Variants in GABRA3 observed in about 807,000 individuals in gnomAD.
GABRA3 encodes the protein gamma-aminobutyric acid receptor subunit alpha-3.
GABRA3 carries 10 observed loss-of-function variants against 30.1 expected under a neutral mutation model. The observed-to-expected ratio is 0.33, with a 90% CI of 0.20 to 0.56. The LOEUF (loss-of-function observed/expected upper bound fraction) is 0.56. Ranked by LOEUF, GABRA3 falls within the 20% of genes least tolerant of loss-of-function variation. The pLI is 0.89. For synonymous variants in GABRA3, 151 were observed against 146.8 expected, an observed-to-expected ratio of 1.03 and a Z score of -0.21; for missense variants, 233 against 392.0, an observed-to-expected ratio of 0.59 and a Z score of 3.42.
chrX:152,336,321 C>A (rs1287606324), intron 3 of GABRA3, among the ~76,000 whole-genome samples: 2 of 111,676 alleles, frequency 1.8e-5, no homozygotes, highest in Non-Finnish European at 3.8e-5. Flanking sequence ...CTCACAATGG[C>A]TCCACTTCTC....
At chrX:152,221,192 A>G (rs1401036476) in intron 6 of GABRA3, among the ~76,000 whole-genome samples, 1 of 111,058 alleles carries the variant, frequency 9.0e-6, no homozygotes, top group African/African-American at 3.3e-5. Flanking sequence ...GATCATGGAG[A>G]TACTCTCTTA....
At chrX:152,176,116 A>T (rs1438482052) in intron 9 of GABRA3, among the ~76,000 whole-genome samples, 1 of 109,578 alleles carries the variant, frequency 9.1e-6, no homozygotes, top group East Asian at 2.8e-4. Flanking sequence ...AAATAGAATC[A>T]TCAAGGAGGC....
At chrX:152,183,361 ATC>A (rs1162170535) in intron 9 of GABRA3, among the ~76,000 whole-genome samples, 3 of 109,636 alleles carry the variant, frequency 2.7e-5, no homozygotes, top group Non-Finnish European at 5.7e-5. Context: ...GTTTATAGTA[ATC>A]TGTTATGATT....
At chrX:152,333,726 T>A (rs991510611) in intron 3 of GABRA3, among the ~76,000 whole-genome samples, 1 of 111,413 alleles carries the variant, frequency 9.0e-6, no homozygotes, top group Non-Finnish European at 1.9e-5. Context: ...ACCTCGAAAG[T>A]GAAAAGGCCA....
intron 7 of GABRA3, among the ~76,000 whole-genome samples, chrX:152,205,547 T>C (rs900314603): frequency 1.8e-5 from 2 of 112,005 alleles, no homozygotes; most frequent in Non-Finnish European, 3.8e-5. Flanking sequence ...AGTTTCACAA[T>C]GAAATGCTAC....
chrX:152,347,345 G>A (rs1050131998), intron 2 of GABRA3, among the ~76,000 whole-genome samples: 7 of 111,658 alleles, frequency 6.3e-5, no homozygotes, highest in Non-Finnish European at 1.1e-4. Context: ...AGGTTGGGAA[G>A]GATAGTGGAG....
At chrX:152,233,306 A>C (rs1327976833) in intron 5 of GABRA3, among the ~76,000 whole-genome samples, 2 of 110,945 alleles carry the variant, frequency 1.8e-5, no homozygotes, top group Admixed American at 1.9e-4. Context: ...GAAGCTCTTT[A>C]GTTTAATTAG....
At chrX:152,377,386 C>T (rs1372587575) in intron 1 of GABRA3, among the ~76,000 whole-genome samples, 1 of 111,156 alleles carries the variant, frequency 9.0e-6, no homozygotes, top group Non-Finnish European at 1.9e-5. Context: ...TAACACAGCA[C>T]TCAGTTTGCA....
chrX:152,382,616 C>A (rs918404979), intron 1 of GABRA3, among the ~76,000 whole-genome samples: 3 of 111,703 alleles, frequency 2.7e-5, no homozygotes, highest in African/African-American at 9.8e-5. Context: ...AGCTTTTTCT[C>A]ATCTCATGTT....
chrX:152,409,117 C>A (rs536388879), intron 1 of GABRA3, among the ~76,000 whole-genome samples: 1 of 111,587 alleles, frequency 9.0e-6, no homozygotes, highest in South Asian at 3.8e-4. Context: ...CTTTGGGAAG[C>A]TGAGGCAGGA....
At chrX:152,417,817 T>C (rs1383151716) in intron 1 of GABRA3, among the ~76,000 whole-genome samples, 2 of 93,262 alleles carry the variant, frequency 2.1e-5, no homozygotes, top group Admixed American at 2.5e-4. Context: ...TAGGTGGGAA[T>C]TGAACAATGA....
At chrX:152,275,256 A>G (rs868364647) in intron 4 of GABRA3, among the ~76,000 whole-genome samples, 2 of 48,136 alleles carry the variant, frequency 4.2e-5, no homozygotes, top group Non-Finnish European at 6.3e-5. Flanking sequence ...TATATAATAA[A>G]ATATATATAA....
chrX:152,283,209 C>T (rs1380069755), intron 4 of GABRA3, among the ~76,000 whole-genome samples: 1 of 111,460 alleles, frequency 9.0e-6, no homozygotes, highest in Non-Finnish European at 1.9e-5. Flanking sequence ...TGGAGACATA[C>T]AGGCTTTCTT....
chrX:152,409,762 G>A (rs749201434), intron 1 of GABRA3, among the ~76,000 whole-genome samples: 1 of 112,107 alleles, frequency 8.9e-6, no homozygotes, highest in South Asian at 3.7e-4. Flanking sequence ...ACTGTTGGTG[G>A]AAAGGTAAAT....
intron 1 of GABRA3, among the ~76,000 whole-genome samples, chrX:152,426,025 T>C (rs1171653391): frequency 9.0e-6 from 1 of 111,491 alleles, no homozygotes; most frequent in Non-Finnish European, 1.9e-5. Context: ...TATTTATTTA[T>C]GTAATTAAAA....
chrX:152,275,806 TTA>T (rs1209153692), intron 4 of GABRA3, among the ~76,000 whole-genome samples: 2 of 108,922 alleles, frequency 1.8e-5, no homozygotes, highest in African/African-American at 6.6e-5. Context: ...AATAAATCAT[TTA>T]TATATATATT....
intron 6 of GABRA3, among the ~76,000 whole-genome samples, chrX:152,215,596 C>A (rs779568911): frequency 3.6e-5 from 4 of 111,161 alleles, no homozygotes; most frequent in Middle Eastern, 4.6e-3. Context: ...AAAATGGAAT[C>A]AAAATGGATT....
intron 9 of GABRA3, 138 bp downstream of exon 9, chrX:152,189,592 C>A: frequency 2.2e-6 from 1 of 452,886 alleles, no homozygotes; most frequent in Non-Finnish European, 3.8e-6. Flanking sequence ...AGAAGCACTC[C>A]AGTTGAGAAC....
chrX:152,310,679 A>G lies in GABRA3; in HGVS notation c.263-25944T>C, dbSNP rs748674598. ...GAAAAGCAAGAGTAAACTACTCCAA[A>G]GCTAGCAGAAGAAAAAAACAATAAC... On this transcript the variant is annotated intron_variant, in intron 3 of 9. Transcript: ENST00000370314. Among the ~76,000 whole-genome samples the G allele has an allele frequency of 5.4e-5, 6 of 111,385 alleles. No individual in the cohort carries two copies. The East Asian group carries it at 1.7e-3, about 31-fold the overall frequency.
Sources: allele counts gnomAD v4.1 joint callset (sites outside exome capture counted in the v4.1 genomes callset), GRCh38; gene constraint gnomAD v4.1.1; transcripts MANE v1.5; gene names NCBI Gene and HGNC (gene_info 2026-07-23, HGNC 2026-07-21).